Variants in MINDY4B observed in about 807,000 individuals in gnomAD.
The protein encoded by MINDY4B is inactive ubiquitin carboxyl-terminal hydrolase MINDY-4B.
In MINDY4B, 25 loss-of-function variants were observed where a neutral mutation model predicts 16.7. The ratio of observed to expected loss-of-function variants is 1.49; its 90% CI spans 1.09 to 2.09. The LOEUF (loss-of-function observed/expected upper bound fraction) is 2.09. Ranked by LOEUF, MINDY4B falls within the 30% of genes most tolerant of loss-of-function variation. The pLI is 0.00. For synonymous variants in MINDY4B, 132 were observed against 61.9 expected, an observed-to-expected ratio of 2.13 and a Z score of -5.32; for missense variants, 327 against 168.4, an observed-to-expected ratio of 1.94 and a Z score of -5.21.
At chr3:150,882,748 T>A in intron 10 of MINDY4B, 149 bp downstream of exon 10, 1 of 424,270 alleles carries the variant, frequency 2.4e-6, no homozygotes, top group South Asian at 7.5e-5. Flanking sequence ...GAAATTTCCC[T>A]GAATGTCTGT....
At chr3:150,879,582 T>C (rs1417412366) in intron 10 of MINDY4B, among the ~76,000 whole-genome samples, 1 of 152,220 alleles carries the variant, frequency 6.6e-6, no homozygotes, top group Non-Finnish European at 1.5e-5. Flanking sequence ...CTTTGGGTAG[T>C]GTTGGCTACG....
At chr3:150,880,297 G>T (rs896205366) in intron 10 of MINDY4B, among the ~76,000 whole-genome samples, 12 of 141,662 alleles carry the variant, frequency 8.5e-5, no homozygotes, top group Non-Finnish European at 1.5e-4. Context: ...TTTATGCCAG[G>T]TTCCCATCTG....
At chr3:150,894,423 T>G (rs376891306) in intron 3 of MINDY4B, 118 bp from the exon 4 acceptor site, 5 of 569,302 alleles carry the variant, frequency 8.8e-6, no homozygotes, top group East Asian at 8.7e-5. Flanking sequence ...CATTCAGGTT[T>G]ACATATTACT....
chr3:150,879,698 G>A (rs1711505075), intron 10 of MINDY4B, among the ~76,000 whole-genome samples: 1 of 152,094 alleles, frequency 6.6e-6, no homozygotes, highest in Admixed American at 6.5e-5. Context: ...CAAAGTATAG[G>A]GCCTTCCAAG....
intron 10 of MINDY4B, among the ~76,000 whole-genome samples, chr3:150,880,475 G>C (rs927530236): frequency 6.6e-6 from 1 of 152,038 alleles, no homozygotes; most frequent in Non-Finnish European, 1.5e-5. Flanking sequence ...TATGTATTAG[G>C]AAAAAAAATC....
rs16862984 is a variant in MINDY4B, at chr3:150,885,886, C to T, written c.754-448G>A. 3.2e-3 allele frequency among the ~76,000 whole-genome samples: 485 copies of T among 152,284 alleles called. 10 individuals carry two copies. In the East Asian group the frequency reaches 0.063, roughly 20 times the overall value. ...GGAGTTATACACCTCGGTTCTACTG[C>T]TTTCTAACTCCTACTTACTAACTTC... On this transcript the variant is annotated intron_variant, in intron 7 of 11. Transcript: ENST00000465419.
chr3:150,874,658 T>C (rs1010125787), intron 10 of MINDY4B, among the ~76,000 whole-genome samples: 1 of 152,224 alleles, frequency 6.6e-6, no homozygotes, highest in Non-Finnish European at 1.5e-5. Flanking sequence ...TGCCATTCTA[T>C]TTCTTTTCTT....
chr3:150,902,129 T>C (rs1712131718), intron 3 of MINDY4B, among the ~76,000 whole-genome samples: 2 of 152,140 alleles, frequency 1.3e-5, no homozygotes, highest in Non-Finnish European at 2.9e-5. Flanking sequence ...CCACTCATCC[T>C]CTCAGCTGGG....
intron 3 of MINDY4B, among the ~76,000 whole-genome samples, chr3:150,902,194 G>A (rs1712133142): frequency 6.6e-6 from 1 of 152,182 alleles, no homozygotes; most frequent in Non-Finnish European, 1.5e-5. Context: ...AGGCCTGACT[G>A]CAGGGCCAGT....
chr3:150,881,181 G>T lies in MINDY4B; in HGVS notation c.1059+1716C>A, dbSNP rs574346795. Among the ~76,000 whole-genome samples the T allele has an allele frequency of 3.0e-3, 454 of 152,044 alleles. 1 individual carries two copies. Among genetic ancestry groups the T allele is most frequent in the Admixed American group, 6.6e-3 (101 of 15,278 alleles). On this transcript the variant is annotated intron_variant, in intron 10 of 11. Transcript: ENST00000465419. ...GTGGATAAATTGAGATCAGGAGTTT[G>T]AGACCAGCCTGGCCAAAATGGCGAA...
chr3:150,891,051 C>T lies in MINDY4B; in HGVS notation c.574G>A (p.Ala192Thr). 1 of 702,858 alleles carries T rather than the reference C, an allele frequency of 1.4e-6. No homozygotes were observed. The highest frequency in any genetic ancestry group is 2.6e-6 in the Non-Finnish European group (1 of 384,838). 43.5% of individuals were successfully genotyped at this position (702,858 alleles called of 1,614,324 possible). Residue 192 changes from alanine to threonine, a missense_variant, in exon 6 of 12, where the codon GCT (alanine) becomes ACT (threonine). Coordinates refer to ENST00000465419, the MANE Select transcript of MINDY4B (RefSeq NM_001351281.2). ...EQEQALAAALAGILWAAGAAQ... is the reference protein window; with the variant it reads ...EQEQALAAALTGILWAAGAAQ... ...GCTCCTGCAGCCCACAGGATGCCAG[C>T]AAGCGCCGCGGCCAAGGCTTGCTCC...
At chr3:150,875,585 T>C (rs1186658867) in intron 10 of MINDY4B, among the ~76,000 whole-genome samples, 1 of 152,228 alleles carries the variant, frequency 6.6e-6, no homozygotes, top group Non-Finnish European at 1.5e-5. Flanking sequence ...CTATTGTTGC[T>C]TTATGCAGCA....
At chr3:150,905,110 A>G (rs996796815) in intron 1 of MINDY4B, 21 bp from the exon 2 acceptor site, 2 of 398,562 alleles carry the variant, frequency 5.0e-6, no homozygotes, top group East Asian at 7.1e-5. Context: ...AAGAGAAAAC[A>G]TCAAGTAAAT....
At chr3:150,887,282 T>G (rs1485618855) in intron 7 of MINDY4B, among the ~76,000 whole-genome samples, 1 of 151,994 alleles carries the variant, frequency 6.6e-6, no homozygotes, top group Non-Finnish European at 1.5e-5. Flanking sequence ...TGGGATGGAG[T>G]GAGATGGTGA....
chr3:150,892,632 T>C (rs1190688805), intron 5 of MINDY4B, among the ~76,000 whole-genome samples: 1 of 152,048 alleles, frequency 6.6e-6, no homozygotes, highest in African/African-American at 2.4e-5. Flanking sequence ...CCAAACATCA[T>C]ACCTTATCAG....
chr3:150,883,592 A>T (rs1006227034), intron 9 of MINDY4B, 108 bp downstream of exon 9: 5 of 646,258 alleles, frequency 7.7e-6, no homozygotes, highest in Admixed American at 5.0e-5. Flanking sequence ...TTTAATTAGA[A>T]AACAATCCAA....
Position 150,894,255 on chromosome 3 carries a change from G to T in MINDY4B, c.360C>A (p.Asn120Lys). 1 of 701,854 alleles carries T rather than the reference G, an allele frequency of 1.4e-6. No homozygotes were observed. 43.5% of individuals were successfully genotyped at this position (701,854 alleles called of 1,614,324 possible). Residue 120 changes from asparagine to lysine, a missense_variant, in exon 4 of 12, where the codon AAC (asparagine) becomes AAA (lysine). By Grantham distance (94) the Asn-to-Lys change is moderately conservative. Transcript: ENST00000465419. ...GGAACCTGAAATAGGCCTTTTTCCA[G>T]TTATAGCTAAAGACATGGACTGTGT... is the stretch of plus-strand genomic sequence containing the variant. ...FGNTVHVFSY[N>K]WKKAYFRFHD...
At chr3:150,885,119 T>C (rs1559965924) in intron 8 of MINDY4B, among the ~76,000 whole-genome samples, 1 of 152,230 alleles carries the variant, frequency 6.6e-6, no homozygotes, top group Admixed American at 6.5e-5. Context: ...CCACCAATAT[T>C]TACAGCCACA....
At chr3:150,871,587 G>A (rs1324108257) in intron 11 of MINDY4B, among the ~76,000 whole-genome samples, 1 of 151,206 alleles carries the variant, frequency 6.6e-6, no homozygotes, top group African/African-American at 2.4e-5. Context: ...GGTGGCTCAC[G>A]CCTATGGTCC....
Sources: gnomAD v4.1 joint callset for allele counts (sites outside exome capture counted in the v4.1 genomes callset) on GRCh38, gnomAD v4.1.1 for gene constraint, MANE v1.5 for transcripts, NCBI Gene and HGNC (gene_info 2026-07-23, HGNC 2026-07-21) for gene names.